PCDH15: variants seen among roughly 807,000 people sequenced by gnomAD.
PCDH15 encodes protocadherin-15.
A neutral mutation model predicts 178.5 loss-of-function variants in PCDH15; 129 were observed. The ratio of observed to expected loss-of-function variants is 0.72; its 90% confidence interval spans 0.63 to 0.84. The LOEUF (loss-of-function observed/expected upper bound fraction) is 0.84, where lower values mean the gene tolerates loss of function less well. PCDH15 is among the 40% of genes least tolerant of loss of function. The pLI is 0.00. For missense variants in PCDH15, 2,230 were observed against 2,099.9 expected (o/e 1.06, Z -1.21); for synonymous variants, 800 against 732.0 (o/e 1.09, Z -1.50).
At chr10:53,872,979 C>A (rs1331705794) in intron 26 of PCDH15, among the ~76,000 whole-genome samples, 1 of 152,234 alleles carries the variant, frequency 6.6e-6, no homozygotes, top group African/African-American at 2.4e-5. Context: ...CCCATCCCTT[C>A]TGCATTTAAT....
At chr10:55,260,862 G>T (rs1842131377) in intron 1 of PCDH15, among the ~76,000 whole-genome samples, 1 of 152,068 alleles carries the variant, frequency 6.6e-6, no homozygotes, top group South Asian at 2.1e-4. Flanking sequence ...AAAGACAAAT[G>T]CCTTTTCTTT....
intron 19 of PCDH15, among the ~76,000 whole-genome samples, chr10:54,021,099 C>T (rs553272813): frequency 4.3e-4 from 65 of 151,954 alleles, no homozygotes; most frequent in Non-Finnish European, 8.8e-4. Context: ...GACACAAATA[C>T]TAAAATAGAA....
intron 1 of PCDH15, among the ~76,000 whole-genome samples, chr10:54,738,477 C>T (rs918923178): frequency 2.6e-5 from 4 of 151,858 alleles, no homozygotes; most frequent in African/African-American, 9.7e-5. Context: ...ACTTTACAAA[C>T]ATGTAAAAAA....
chr10:55,622,041 A>G (rs1333384047), intron 2 of PCDH15, among the ~76,000 whole-genome samples: 2 of 141,388 alleles, frequency 1.4e-5, no homozygotes, highest in Non-Finnish European at 3.0e-5. Flanking sequence ...TATATATAAT[A>G]TATATATAAA....
intron 3 of PCDH15, among the ~76,000 whole-genome samples, chr10:54,478,553 A>G (rs2078450640): frequency 6.6e-6 from 1 of 152,166 alleles, no homozygotes; most frequent in South Asian, 2.1e-4. Flanking sequence ...CTTCAAAAGA[A>G]AGTGACACAA....
At chr10:54,000,140 GC>G (rs2092057644) in intron 20 of PCDH15, among the ~76,000 whole-genome samples, 1 of 152,180 alleles carries the variant, frequency 6.6e-6, no homozygotes, top group African/African-American at 2.4e-5. Context: ...GGCTTGTGGT[GC>G]CTCCTAAAGC....
chr10:54,772,566 T>C (rs930017794), intron 1 of PCDH15, among the ~76,000 whole-genome samples: 1 of 142,966 alleles, frequency 7.0e-6, no homozygotes, highest in South Asian at 2.4e-4. Flanking sequence ...CACAATGAGA[T>C]AACATCTCAT....
intron 21 of PCDH15, among the ~76,000 whole-genome samples, chr10:53,963,883 A>T (rs1431983578): frequency 6.6e-6 from 1 of 152,174 alleles, no homozygotes; most frequent in Non-Finnish European, 1.5e-5. Flanking sequence ...TATTAAAATT[A>T]TCTCATGACT....
intron 13 of PCDH15, among the ~76,000 whole-genome samples, chr10:54,156,406 A>G (rs2045152722): frequency 6.6e-6 from 1 of 152,164 alleles, no homozygotes; most frequent in Non-Finnish European, 1.5e-5. Flanking sequence ...TCATGGCAGA[A>G]GGTGAAAGGT....
chr10:54,794,621 G>A (rs1410678839), intron 1 of PCDH15, among the ~76,000 whole-genome samples: 1 of 151,776 alleles, frequency 6.6e-6, no homozygotes, highest in African/African-American at 2.4e-5. Flanking sequence ...AGGGCTTCAT[G>A]CACACACATT....
At chr10:54,238,302 A>C (rs1389471449) in intron 8 of PCDH15, among the ~76,000 whole-genome samples, 1 of 152,128 alleles carries the variant, frequency 6.6e-6, no homozygotes, top group African/African-American at 2.4e-5. Flanking sequence ...AAAAATGTAT[A>C]GTGATGGCAT....
At chr10:53,919,519 T>C (rs1042979996) in intron 25 of PCDH15, among the ~76,000 whole-genome samples, 2 of 152,180 alleles carry the variant, frequency 1.3e-5, no homozygotes, top group African/African-American at 4.8e-5. Context: ...TGTAATAACA[T>C]TGTACATATT....
chr10:54,403,319 A>G (rs2135505302), intron 3 of PCDH15, among the ~76,000 whole-genome samples: 1 of 152,126 alleles, frequency 6.6e-6, no homozygotes, highest in South Asian at 2.1e-4. Context: ...CCATAACACA[A>G]AAGTACAAGG....
chr10:55,302,026 A>T (rs1843297398), intron 1 of PCDH15, among the ~76,000 whole-genome samples: 2 of 152,160 alleles, frequency 1.3e-5, no homozygotes, highest in South Asian at 4.1e-4. Context: ...GCTATCTTCC[A>T]CTTTATTATT....
chr10:55,306,150 C>A (rs1408247308), intron 1 of PCDH15, among the ~76,000 whole-genome samples: 2 of 152,088 alleles, frequency 1.3e-5, no homozygotes. Flanking sequence ...CAAAATCAAT[C>A]AAGAGTTTAC....
At chr10:54,405,336 A>T (rs2135538484) in intron 3 of PCDH15, among the ~76,000 whole-genome samples, 1 of 152,252 alleles carries the variant, frequency 6.6e-6, no homozygotes, top group South Asian at 2.1e-4. Context: ...TGTGTACCAC[A>T]TGGAATACTA....
intron 2 of PCDH15, among the ~76,000 whole-genome samples, chr10:55,359,631 C>T (rs1231525026): frequency 2.0e-5 from 3 of 149,940 alleles, no homozygotes; most frequent in Admixed American, 6.7e-5. Context: ...GTCTGTATTC[C>T]CATGTTTATT....
chr10:55,216,012 T>G (rs548934797), intron 1 of PCDH15, among the ~76,000 whole-genome samples: 1 of 152,112 alleles, frequency 6.6e-6, no homozygotes, highest in Admixed American at 6.6e-5. Flanking sequence ...TGATTCCATT[T>G]GCAGGTCTGT....
intron 26 of PCDH15, among the ~76,000 whole-genome samples, chr10:53,894,258 G>C (rs186164075): frequency 3.3e-4 from 51 of 152,252 alleles, no homozygotes; most frequent in African/African-American, 7.5e-4. Flanking sequence ...CAGTTACAGG[G>C]TCATAGTCAA....
Sources: gnomAD v4.1 joint callset for allele counts (sites outside exome capture counted in the v4.1 genomes callset) on GRCh38, gnomAD v4.1.1 for gene constraint, MANE v1.5 for transcripts, NCBI Gene and HGNC (gene_info 2026-07-23, HGNC 2026-07-21) for gene names.